The following CRYZL1 variants were observed in gnomAD, a reference collection of about 807,000 sequenced individuals.
CRYZL1 encodes the protein crystallin zeta like 1, also known as ferry endosomal RAB5 effector complex subunit 4.
A neutral mutation model predicts 50.6 loss-of-function variants in CRYZL1; 34 were observed. The observed-to-expected ratio is 0.67, with a 90% CI of 0.51 to 0.89. The LOEUF is 0.89. Among genes scored for constraint, CRYZL1 ranks in the 40% least tolerant of loss-of-function variants. The pLI is 0.00. For synonymous variants in CRYZL1, 125 were observed against 134.3 expected (o/e 0.93, Z 0.48); for missense variants, 354 against 402.3 (o/e 0.88, Z 1.03).
chr21:33,615,018 G>C (rs2086913089), intron 5 of CRYZL1, among the ~76,000 whole-genome samples: 1 of 152,058 alleles, frequency 6.6e-6, no homozygotes, highest in Non-Finnish European at 1.5e-5. Flanking sequence ...CAATTCTCCA[G>C]GATAATGCCT....
chr21:33,619,881 T>A (rs2086974456), intron 4 of CRYZL1, among the ~76,000 whole-genome samples: 1 of 151,672 alleles, frequency 6.6e-6, no homozygotes, highest in Admixed American at 6.6e-5. Flanking sequence ...TTGCCCCTTA[T>A]GATTTGGACA....
intron 2 of CRYZL1, among the ~76,000 whole-genome samples, chr21:33,629,571 A>G (rs986879221): frequency 1.3e-5 from 2 of 152,016 alleles, no homozygotes; most frequent in African/African-American, 4.8e-5. Flanking sequence ...CCTCCTACTG[A>G]TTTTTTATTT....
At chr21:33,631,438 C>T in intron 2 of CRYZL1, 48 bp downstream of exon 2, 4 of 1,338,050 alleles carry the variant, frequency 3.0e-6, no homozygotes, top group Non-Finnish European at 4.1e-6. Context: ...GGGTTTATTG[C>T]AGATAAAAAT....
chr21:33,613,524 G>T lies in CRYZL1; in HGVS notation c.331+14C>A. 6.3e-7 allele frequency: 1 copy of T among 1,580,920 alleles called. No homozygotes were observed. Among genetic ancestry groups the T allele is most frequent in the South Asian group, 1.1e-5 (1 of 90,036 alleles). On this transcript the variant is annotated intron_variant, in intron 6 of 12. Transcript: ENST00000381554. ...AGACTTATGTGAGCTCCAAAGTACT[G>T]AATTGCTACATACCCAAGTAATGCT... is the stretch of plus-strand genomic sequence containing the variant.
At position 33,616,346 on chromosome 21, in the gene CRYZL1, G is replaced by A. The variant is rs1205388459; in HGVS notation, c.262+360C>T. The A allele has an allele frequency of 4.2e-5, 7 of 166,730 alleles. No homozygotes were observed. In the East Asian group the frequency reaches 6.8e-4, roughly 16 times the overall value. 10.3% of individuals were successfully genotyped at this position (166,730 alleles called of 1,614,324 possible). On this transcript the variant is annotated intron_variant, in intron 5 of 12. Transcript: ENST00000381554. ...TCATTCTTCTTGCCCAGGCTGGAGT[G>A]CAATGGTGTGATCTCGGCTCACCAC...
At chr21:33,600,050 G>A (rs1046271350) in intron 8 of CRYZL1, among the ~76,000 whole-genome samples, 1 of 151,988 alleles carries the variant, frequency 6.6e-6, no homozygotes, top group Non-Finnish European at 1.5e-5. Context: ...TATACCCACC[G>A]TAAGTCAAAA....
intron 1 of CRYZL1, chr21:33,640,300 G>A: frequency 2.0e-6 from 3 of 1,466,788 alleles, no homozygotes; most frequent in Non-Finnish European, 2.7e-6. Flanking sequence ...ATCCCCTGCT[G>A]TAAGCTGGAA....
chr21:33,637,788 TACAC>T (rs1555834479), intron 1 of CRYZL1, among the ~76,000 whole-genome samples: 1 of 117,208 alleles, frequency 8.5e-6, no homozygotes, highest in African/African-American at 3.1e-5. Context: ...TATATATATA[TACAC>T]ACACACACAC....
At chr21:33,619,228 T>G (rs1370069537) in intron 4 of CRYZL1, among the ~76,000 whole-genome samples, 1 of 152,262 alleles carries the variant, frequency 6.6e-6, no homozygotes, top group Admixed American at 6.5e-5. Context: ...TCCTGCAGAC[T>G]TTATTTCCTC....
intron 3 of CRYZL1, among the ~76,000 whole-genome samples, chr21:33,622,930 TATAGA>T (rs2087019200): frequency 6.6e-6 from 1 of 152,068 alleles, no homozygotes; most frequent in African/African-American, 2.4e-5. Context: ...ATGACATTCT[TATAGA>T]AGTACTGGGT....
chr21:33,618,366 C>G (rs761016978), intron 4 of CRYZL1, among the ~76,000 whole-genome samples: 5 of 151,192 alleles, frequency 3.3e-5, no homozygotes, highest in Non-Finnish European at 7.4e-5. Context: ...GACTATCAGT[C>G]AATTCATTTG....
At chr21:33,604,659 G>A (rs2145927006) in intron 6 of CRYZL1, among the ~76,000 whole-genome samples, 1 of 152,210 alleles carries the variant, frequency 6.6e-6, no homozygotes, top group Admixed American at 6.5e-5. Flanking sequence ...CCATTCTGTG[G>A]ATGAGGCTGT....
chr21:33,641,254 AACT>A lies in CRYZL1; in HGVS notation c.-7+424_-7+426del, dbSNP rs1336790438. The A allele has an allele frequency of 2.6e-6, 4 of 1,550,596 alleles. No homozygotes were observed. The East Asian group carries it at 9.8e-5, about 38-fold the overall frequency. Reference sequence around the variant, plus strand: ...GGCTCAAAAGCCACATACAGCGAATAACTACTAACTGCTTTCCGAAAACAGCAA... The same window carrying A: ...GGCTCAAAAGCCACATACAGCGAATAACTAACTGCTTTCCGAAAACAGCAA... On this transcript the variant is annotated intron_variant, in intron 1 of 12. Coordinates refer to ENST00000381554, the MANE Select transcript of CRYZL1 (RefSeq NM_145858.3).
At chr21:33,616,012 T>C (rs2086926461) in intron 5 of CRYZL1, among the ~76,000 whole-genome samples, 1 of 152,194 alleles carries the variant, frequency 6.6e-6, no homozygotes, top group Admixed American at 6.5e-5. Flanking sequence ...ACATATGCCA[T>C]GCTGGTGCGC....
chr21:33,624,345 G>C (rs1261295127), intron 3 of CRYZL1, among the ~76,000 whole-genome samples: 1 of 152,148 alleles, frequency 6.6e-6, no homozygotes, highest in Admixed American at 6.6e-5. Context: ...TCAGGAGTTT[G>C]AGACCAGCCT....
intron 9 of CRYZL1, among the ~76,000 whole-genome samples, chr21:33,598,869 A>G (rs1184576806): frequency 6.7e-6 from 1 of 148,330 alleles, no homozygotes; most frequent in Non-Finnish European, 1.5e-5. Flanking sequence ...TGTGTGGCCT[A>G]AGACAATTCT....
In CRYZL1 at chr21:33,589,723, GTTTTATCTTCC is replaced by G; in HGVS notation, c.*88_*98del. On this transcript the variant is annotated 3_prime_UTR_variant, in exon 13 of 13. Coordinates refer to ENST00000381554, the MANE Select transcript of CRYZL1 (RefSeq NM_145858.3). ...AGAAACGTGCTTAAAAATGCAACTT[GTTTTATCTTCC>G]TTGGTTTTTCTCAACAATTTCCAAA... 2 of 772,176 alleles carry G rather than the reference GTTTTATCTTCC, an allele frequency of 2.6e-6. 1 individual carries two copies. The highest frequency in any genetic ancestry group is 3.2e-5 in the South Asian group (2 of 62,068). 47.8% of individuals were successfully genotyped at this position (772,176 alleles called of 1,614,324 possible).
At position 33,595,628 on chromosome 21, in the gene CRYZL1, A is replaced by C. The variant is rs770391291; in HGVS notation, c.904+103T>G. The C allele has an allele frequency of 2.6e-6, 4 of 1,531,480 alleles. No homozygotes were observed. In the Admixed American group the frequency reaches 7.7e-5, roughly 29 times the overall value. The allele number at this position is 1,531,480 out of a possible 1,614,324, so 94.9% of individuals were successfully genotyped here. A position where few individuals can be genotyped will look rare whatever the true frequency, so the allele number is the denominator to read the frequency against. ...ACTTGGAATACTGTTTGGAATACTT[A>C]AGGAAACTTAACTGCTATTATTATT... is the stretch of plus-strand genomic sequence containing the variant. On this transcript the variant is annotated intron_variant, in intron 11 of 12. Transcript: ENST00000381554.
chr21:33,620,902 CTTTTTTTTT>C (rs1217062963), intron 4 of CRYZL1, among the ~76,000 whole-genome samples: 2 of 69,134 alleles, frequency 2.9e-5, no homozygotes, highest in African/African-American at 1.1e-4. Context: ...GGTGTCCAAT[CTTTTTTTTT>C]TTTTTTTTTT....
Sources: allele counts gnomAD v4.1 joint callset (sites outside exome capture counted in the v4.1 genomes callset), GRCh38; gene constraint gnomAD v4.1.1; transcripts MANE v1.5; gene names NCBI Gene and HGNC (gene_info 2026-07-23, HGNC 2026-07-21).